MGAT5: variants seen among roughly 807,000 people sequenced by gnomAD.
MGAT5 encodes the protein alpha-1,6-mannosylglycoprotein 6-beta-N-acetylglucosaminyltransferase A.
Under a neutral mutation model 94.3 loss-of-function variants are expected in MGAT5, and 30 were observed. The ratio of observed to expected loss-of-function variants is 0.32; its 90% CI spans 0.24 to 0.43. The LOEUF is 0.43. Ranked by LOEUF, MGAT5 falls within the 20% of genes least tolerant of loss-of-function variation. The probability of loss-of-function intolerance (pLI) is 1.00; values close to 1 mark genes in which losing one functional copy is unlikely to be tolerated. For missense variants in MGAT5, 691 were observed against 905.5 expected, an observed-to-expected ratio of 0.76 and a Z score of 3.04; for synonymous variants, 310 against 322.9, an observed-to-expected ratio of 0.96 and a Z score of 0.43.
intron 8 of MGAT5, among the ~76,000 whole-genome samples, chr2:134,346,128 T>G (rs1688913152): frequency 6.6e-6 from 1 of 152,184 alleles, no homozygotes; most frequent in South Asian, 2.1e-4. Flanking sequence ...AGTAGAGCTG[T>G]TGTTTTCTAC....
At chr2:134,425,010 A>G (rs1337752846) in intron 13 of MGAT5, among the ~76,000 whole-genome samples, 1 of 152,244 alleles carries the variant, frequency 6.6e-6, no homozygotes, top group African/African-American at 2.4e-5. Flanking sequence ...GGGGGTTAGG[A>G]CAGCATATCT....
At chr2:134,177,263 CT>C (rs1301702212) in intron 1 of MGAT5, among the ~76,000 whole-genome samples, 1 of 150,876 alleles carries the variant, frequency 6.6e-6, no homozygotes, top group Non-Finnish European at 1.5e-5. Context: ...GGAATGACCT[CT>C]TTAAAGAACT....
chr2:134,230,908 T>C (rs1377391837), intron 1 of MGAT5, among the ~76,000 whole-genome samples: 1 of 152,176 alleles, frequency 6.6e-6, no homozygotes, highest in African/African-American at 2.4e-5. Flanking sequence ...AATTGATGAA[T>C]AGATCAACAA....
intron 1 of MGAT5, among the ~76,000 whole-genome samples, chr2:134,188,379 T>C (rs992487257): frequency 6.6e-6 from 1 of 152,266 alleles, no homozygotes; most frequent in African/African-American, 2.4e-5. Context: ...CTCTGCCATG[T>C]GGCCTTGCAC....
intron 9 of MGAT5, among the ~76,000 whole-genome samples, chr2:134,360,317 G>A (rs1215483342): frequency 1.3e-5 from 2 of 152,138 alleles, no homozygotes; most frequent in Non-Finnish European, 2.9e-5. Context: ...CTAGAAGCTA[G>A]GAGAATCTTT....
intron 12 of MGAT5, among the ~76,000 whole-genome samples, chr2:134,420,057 AG>A (rs1381585079): frequency 2.0e-5 from 3 of 152,350 alleles, no homozygotes; most frequent in Admixed American, 1.3e-4. Flanking sequence ...CTTTGTCTTA[AG>A]AACTTAAAGA....
rs552093746 is a variant in MGAT5, at chr2:134,388,252, G to A, written c.1381-14736G>A. On this transcript the variant is annotated intron_variant, in intron 10 of 15. Coordinates refer to ENST00000281923, the MANE Select transcript of MGAT5 (RefSeq NM_002410.5). ...TTGCCACGAAACATTTCTAATAAAA[G>A]AATTGTATAATGAGCCCCCATGTAC... 1.3e-4 allele frequency among the ~76,000 whole-genome samples: 20 copies of A among 152,186 alleles called. 2 individuals are homozygous for A. The South Asian group carries it at 4.1e-3, about 32-fold the overall frequency.
intron 1 of MGAT5, among the ~76,000 whole-genome samples, chr2:134,141,332 T>G (rs1686646037): frequency 6.6e-6 from 1 of 152,206 alleles, no homozygotes; most frequent in African/African-American, 2.4e-5. Context: ...GGGGATGTGG[T>G]GGTCACATGT....
chr2:134,226,543 A>G (rs1436145118), intron 1 of MGAT5, among the ~76,000 whole-genome samples: 1 of 152,152 alleles, frequency 6.6e-6, no homozygotes, highest in African/African-American at 2.4e-5. Context: ...GAAATTGTAT[A>G]GTTATTTACT....
rs1686137580 is a variant in MGAT5, at chr2:134,131,082, CTT to C, written c.-143+10793_-143+10794del. ...GCAATAAATTTTGCTGCTGGTCACT[CTT>C]TGGGTCCACACTGCCTTTATGTGCT... is the stretch of plus-strand genomic sequence containing the variant. On this transcript the variant is annotated intron_variant, in intron 1 of 16. Transcript: ENST00000409645. Among the ~76,000 whole-genome samples the C allele has an allele frequency of 3.3e-5, 5 of 152,200 alleles. 1 individual carries two copies. The South Asian group carries it at 1.0e-3, about 32-fold the overall frequency.
intron 7 of MGAT5, among the ~76,000 whole-genome samples, chr2:134,342,965 C>A (rs1573865826): frequency 6.6e-6 from 1 of 152,122 alleles, no homozygotes; most frequent in East Asian, 1.9e-4. Context: ...AATGTAAGCA[C>A]TGGGATTGCA....
At chr2:134,360,206 G>A (rs1679997351) in intron 9 of MGAT5, among the ~76,000 whole-genome samples, 1 of 152,082 alleles carries the variant, frequency 6.6e-6, no homozygotes, top group Non-Finnish European at 1.5e-5. Context: ...GAAATTCATA[G>A]TGTCAGAGTT....
chr2:134,309,191 A>G (rs561010348), intron 2 of MGAT5, among the ~76,000 whole-genome samples: 26 of 152,196 alleles, frequency 1.7e-4, no homozygotes, highest in Non-Finnish European at 3.7e-4. Flanking sequence ...ATTCCATTTT[A>G]TGGATATACC....
chr2:134,180,734 G>A (rs2105169686), intron 1 of MGAT5, among the ~76,000 whole-genome samples: 1 of 152,262 alleles, frequency 6.6e-6, no homozygotes, highest in Non-Finnish European at 1.5e-5. Context: ...CATAATGTTA[G>A]AACTGTGTGT....
At chr2:134,135,475 C>T (rs1008441461) in intron 1 of MGAT5, among the ~76,000 whole-genome samples, 2 of 151,836 alleles carry the variant, frequency 1.3e-5, no homozygotes, top group Non-Finnish European at 2.9e-5. Flanking sequence ...GGGCGGATCA[C>T]GAGGTCAAGA....
intron 9 of MGAT5, among the ~76,000 whole-genome samples, chr2:134,357,515 T>A (rs1449703320): frequency 1.3e-5 from 2 of 152,240 alleles, no homozygotes; most frequent in Non-Finnish European, 2.9e-5. Flanking sequence ...AAAGGATCAG[T>A]TAACTTCCAT....
intron 9 of MGAT5, among the ~76,000 whole-genome samples, chr2:134,357,108 A>C (rs912625935): frequency 1.1e-4 from 17 of 152,236 alleles, no homozygotes; most frequent in Admixed American, 2.6e-4. Context: ...CATAGTAGGC[A>C]TTCAGAAAGT....
chr2:134,281,938 T>A (rs946512280), intron 2 of MGAT5, among the ~76,000 whole-genome samples: 1 of 152,240 alleles, frequency 6.6e-6, no homozygotes, highest in African/African-American at 2.4e-5. Flanking sequence ...AGAAGATTAG[T>A]AGAAGCTGTA....
At chr2:134,278,047 T>G (rs1023292654) in intron 2 of MGAT5, among the ~76,000 whole-genome samples, 2 of 152,154 alleles carry the variant, frequency 1.3e-5, no homozygotes, top group African/African-American at 4.8e-5. Context: ...TGTTGAGAGG[T>G]TCAGACATGG....
Sources: gnomAD v4.1 joint callset for allele counts (sites outside exome capture counted in the v4.1 genomes callset) on GRCh38, gnomAD v4.1.1 for gene constraint, MANE v1.5 for transcripts, NCBI Gene and HGNC (gene_info 2026-07-23, HGNC 2026-07-21) for gene names.